DPP6: variants seen among roughly 807,000 people sequenced by gnomAD.
DPP6 encodes A-type potassium channel modulatory protein DPP6.
A neutral mutation model predicts 122.6 loss-of-function variants in DPP6; 69 were observed. The observed-to-expected ratio is 0.56, with a 90% confidence interval of 0.46 to 0.69. The LOEUF is 0.69. DPP6 is among the 30% of genes least tolerant of loss of function. The pLI, the probability that DPP6 is intolerant of heterozygous loss-of-function variation, is 0.00. For synonymous variants in DPP6, 418 were observed against 433.1 expected (o/e 0.97, Z 0.43); for missense variants, 928 against 1,116.9 (o/e 0.83, Z 2.41).
chr7:154,435,290 G>T (rs924941201), intron 1 of DPP6, among the ~76,000 whole-genome samples: 2 of 152,074 alleles, frequency 1.3e-5, no homozygotes, highest in South Asian at 2.1e-4. Flanking sequence ...AGGAATGGGA[G>T]GGGGTACTGA....
intron 1 of DPP6, among the ~76,000 whole-genome samples, chr7:154,107,965 T>C (rs1196476184): frequency 6.6e-6 from 1 of 152,256 alleles, no homozygotes; most frequent in Admixed American, 6.5e-5. Flanking sequence ...ACTTCAATTT[T>C]CGTTGCTTTG....
intron 1 of DPP6, among the ~76,000 whole-genome samples, chr7:154,421,115 C>T (rs10256649): frequency 0.019 from 2,888 of 152,158 alleles, 108 homozygotes; most frequent in African/African-American, 0.066. Context: ...ACCCACGTCA[C>T]GTCTGACACT....
rs78235721 is a variant in DPP6 at position 154,518,239 on chromosome 7, T to A, written c.458-22293T>A. Reference sequence around the variant, plus strand: ...ATTTGTTCTTTTTTGAGAGAGTTGATTTTTTGTTTCTTAAATTAGAACCTT... The same window carrying A: ...ATTTGTTCTTTTTTGAGAGAGTTGAATTTTTGTTTCTTAAATTAGAACCTT... On this transcript the variant is annotated intron_variant, in intron 3 of 25. Coordinates refer to ENST00000377770, the MANE Select transcript of DPP6 (RefSeq NM_130797.4). Among the ~76,000 whole-genome samples, 161 of 152,342 alleles carry A rather than the reference T, an allele frequency of 1.1e-3. 1 individual carries two copies. The highest frequency in any genetic ancestry group is 3.8e-3 in the African/African-American group (157 of 41,582).
At chr7:154,196,212 G>A (rs561007318) in intron 1 of DPP6, among the ~76,000 whole-genome samples, 1 of 152,296 alleles carries the variant, frequency 6.6e-6, no homozygotes, top group African/African-American at 2.4e-5. Context: ...CAAATGGGCC[G>A]GGCACGGTGG....
chr7:153,756,316 A>T, the DPP6 span, among the ~76,000 whole-genome samples: 1 of 151,514 alleles, frequency 6.6e-6, no homozygotes, highest in Admixed American at 6.6e-5. Context: ...ATCTAACTTT[A>T]GAGGTAATTT....
At chr7:153,819,612 CA>C in the DPP6 span, among the ~76,000 whole-genome samples, 1 of 152,060 alleles carries the variant, frequency 6.6e-6, no homozygotes, top group Non-Finnish European at 1.5e-5. Context: ...GGGGAAAATG[CA>C]TCTTAAAAGT....
rs140854618 is a variant in DPP6, at chr7:154,710,239, G to A, written c.763-17528G>A. 4.8e-3 allele frequency among the ~76,000 whole-genome samples: 726 copies of A among 152,324 alleles called. 7 individuals are homozygous for A. Among genetic ancestry groups the A allele is most frequent in the African/African-American group, 0.017 (693 of 41,578 alleles). ...TCAGGGCCCCACCAGGAATGTGCAC[G>A]AGGGTCACCAGACTGGGAGAAGTGG... is the stretch of plus-strand genomic sequence containing the variant. On this transcript the variant is annotated intron_variant, in intron 7 of 25. Transcript: ENST00000377770.
At chr7:154,801,634 G>A (rs1798373476) in intron 13 of DPP6, among the ~76,000 whole-genome samples, 172 bp downstream of exon 13, 1 of 152,160 alleles carries the variant, frequency 6.6e-6, no homozygotes, top group Admixed American at 6.5e-5. Flanking sequence ...GTTCCCATCA[G>A]GCCTGGTGGA....
In DPP6 at chr7:154,241,249, T is replaced by A. The variant is rs1266934855; in HGVS notation, c.243+188186T>A. Among the ~76,000 whole-genome samples the A allele has an allele frequency of 6.7e-6, 1 of 148,894 alleles. No individual in the cohort carries two copies. The highest frequency in any genetic ancestry group is 2.1e-4 in the South Asian group (1 of 4,752). On this transcript the variant is annotated intron_variant, in intron 1 of 25. Coordinates refer to ENST00000377770, the MANE Select transcript of DPP6 (RefSeq NM_130797.4). This position sits in a 1 kb window ranked among gnomAD's most constrained non-coding sequence, Gnocchi z 9.0. ...TATATATAGAGAGAGAGAGAGACAC[T>A]TTTATCCATTTAGGAAGACAAACAT...
chr7:154,866,369 C>G (rs1803878758), intron 17 of DPP6, among the ~76,000 whole-genome samples: 1 of 152,244 alleles, frequency 6.6e-6, no homozygotes, highest in South Asian at 2.1e-4. Flanking sequence ...GTGCTGCCGC[C>G]CATCCATTAG....
At chr7:154,315,026 G>A (rs1270453197) in intron 1 of DPP6, among the ~76,000 whole-genome samples, 3 of 152,186 alleles carry the variant, frequency 2.0e-5, no homozygotes, top group Non-Finnish European at 4.4e-5. Context: ...GCATGAGGTT[G>A]TTCGTAGCAA....
At chr7:154,787,319 T>G (rs1238905275) in intron 10 of DPP6, among the ~76,000 whole-genome samples, 1 of 152,134 alleles carries the variant, frequency 6.6e-6, no homozygotes, top group Non-Finnish European at 1.5e-5. Flanking sequence ...TTTATTTGGG[T>G]TTTTTTAAAA....
At chr7:154,830,213 T>C (rs1270438763) in intron 16 of DPP6, among the ~76,000 whole-genome samples, 1 of 152,210 alleles carries the variant, frequency 6.6e-6, no homozygotes, top group East Asian at 1.9e-4. Flanking sequence ...CTGCCTTTTT[T>C]CTGATCACCT....
intron 3 of DPP6, among the ~76,000 whole-genome samples, chr7:154,507,682 C>T (rs1825765027): frequency 6.6e-6 from 1 of 152,302 alleles, no homozygotes; most frequent in Non-Finnish European, 1.5e-5. Context: ...GATGTCATCT[C>T]ACCAATCATC....
chr7:153,970,536 G>T (rs1489239978), intron 1 of DPP6, among the ~76,000 whole-genome samples: 1 of 151,972 alleles, frequency 6.6e-6, no homozygotes, highest in African/African-American at 2.4e-5. Flanking sequence ...TTGTGATTTT[G>T]ACTGTCATAC....
intron 17 of DPP6, among the ~76,000 whole-genome samples, chr7:154,866,063 G>A (rs920575715): frequency 2.0e-5 from 3 of 152,236 alleles, no homozygotes; most frequent in Admixed American, 6.5e-5. Flanking sequence ...CTGAGATAGG[G>A]TGGTCAGGTC....
intron 1 of DPP6, among the ~76,000 whole-genome samples, chr7:153,922,113 G>C (rs2129008959): frequency 6.6e-6 from 1 of 152,332 alleles, no homozygotes; most frequent in Non-Finnish European, 1.5e-5. Context: ...GGTGTGTAGA[G>C]TCAGTGATGA....
intron 1 of DPP6, among the ~76,000 whole-genome samples, chr7:154,342,642 G>T (rs1256009744): frequency 6.6e-6 from 1 of 152,180 alleles, no homozygotes; most frequent in Non-Finnish European, 1.5e-5. Flanking sequence ...GTCAATGCCT[G>T]TTATCCAGGA....
At chr7:154,275,642 T>A (rs1292771521) in intron 1 of DPP6, among the ~76,000 whole-genome samples, 1 of 152,238 alleles carries the variant, frequency 6.6e-6, no homozygotes, top group African/African-American at 2.4e-5. Flanking sequence ...GCCAGGAGCC[T>A]GGGAGTCTGC....
Sources: gnomAD v4.1 joint callset for allele counts (sites outside exome capture counted in the v4.1 genomes callset) on GRCh38, gnomAD v4.1.1 for gene constraint, Gnocchi (gnomAD v3.1) non-coding constraint, MANE v1.5 for transcripts, NCBI Gene and HGNC (gene_info 2026-07-23, HGNC 2026-07-21) for gene names.